Variants in THADA observed in about 807,000 individuals in gnomAD.
THADA encodes THADA armadillo repeat containing, also known as tRNA (32-2'-O)-methyltransferase regulator THADA.
THADA carries 213 observed loss-of-function variants against 219.8 expected under a neutral mutation model. That is an observed-to-expected ratio of 0.97 (90% CI 0.87 to 1.09). The LOEUF is 1.09. Among genes scored for constraint, THADA ranks in the 50% least tolerant of loss-of-function variants. THADA has a pLI of 0.00. For missense variants in THADA, 2,956 were observed against 2,311.3 expected, an observed-to-expected ratio of 1.28 and a Z score of -5.72; for synonymous variants, 1,018 against 828.9, an observed-to-expected ratio of 1.23 and a Z score of -3.92.
intron 10 of THADA, among the ~76,000 whole-genome samples, chr2:43,575,771 C>T (rs946815402): frequency 1.3e-5 from 2 of 152,086 alleles, no homozygotes; most frequent in African/African-American, 4.8e-5. Context: ...CTCCTGACCT[C>T]AAGTGATCCA....
chr2:43,289,896 C>T (rs979146875), intron 34 of THADA, among the ~76,000 whole-genome samples: 29 of 151,646 alleles, frequency 1.9e-4, no homozygotes, highest in African/African-American at 5.8e-4. Context: ...CAAGGTGATC[C>T]GCCCGCCTCA....
chr2:43,422,544 A>T (rs1165413758), intron 28 of THADA, among the ~76,000 whole-genome samples: 1 of 152,200 alleles, frequency 6.6e-6, no homozygotes, highest in Non-Finnish European at 1.5e-5. Flanking sequence ...CTGCTTTCTC[A>T]TGGTTCACCA....
At chr2:43,388,165 A>C (rs1346271917) in intron 29 of THADA, among the ~76,000 whole-genome samples, 1 of 152,250 alleles carries the variant, frequency 6.6e-6, no homozygotes, top group Admixed American at 6.5e-5. Context: ...ACTAAAAACA[A>C]ATAACAACAA....
At chr2:43,518,440 T>C (rs1358098766) in intron 22 of THADA, among the ~76,000 whole-genome samples, 1 of 152,172 alleles carries the variant, frequency 6.6e-6, no homozygotes, top group Admixed American at 6.5e-5. Context: ...TACAAGAATA[T>C]TTCCTACTGA....
intron 22 of THADA, among the ~76,000 whole-genome samples, chr2:43,514,315 G>A (rs1185936224): frequency 1.3e-5 from 2 of 150,528 alleles, no homozygotes; most frequent in Admixed American, 1.3e-4. Context: ...GCTGGGCATG[G>A]TGGCACTTGC....
intron 31 of THADA, among the ~76,000 whole-genome samples, chr2:43,319,862 A>C (rs1181415929): frequency 6.6e-6 from 1 of 152,220 alleles, no homozygotes; most frequent in African/African-American, 2.4e-5. Flanking sequence ...ACATCAAAAA[A>C]ATTTTATTTG....
At chr2:43,431,567 G>A (rs1351556755) in intron 26 of THADA, among the ~76,000 whole-genome samples, 7 of 148,832 alleles carry the variant, frequency 4.7e-5, no homozygotes, top group African/African-American at 7.4e-5. Context: ...CTGGGTTCAC[G>A]CCATTCTCCT....
At chr2:43,583,860 C>T (rs1574369848) in intron 7 of THADA, among the ~76,000 whole-genome samples, 3 of 151,944 alleles carry the variant, frequency 2.0e-5, no homozygotes, top group Non-Finnish European at 2.9e-5. Context: ...CAGGGCAACA[C>T]GGTAAAACCA....
intron 11 of THADA, among the ~76,000 whole-genome samples, chr2:43,573,740 A>G (rs906050263): frequency 6.6e-6 from 1 of 152,218 alleles, no homozygotes; most frequent in Non-Finnish European, 1.5e-5. Context: ...GTTAAACAGA[A>G]TGTAATAATT....
At chr2:43,305,576 C>T (rs1215824022) in intron 31 of THADA, among the ~76,000 whole-genome samples, 4 of 152,268 alleles carry the variant, frequency 2.6e-5, no homozygotes, top group African/African-American at 7.2e-5. Flanking sequence ...GATTCCCGAT[C>T]GGCTGCTGAG....
At chr2:43,413,383 G>C (rs1676540854) in intron 28 of THADA, among the ~76,000 whole-genome samples, 1 of 152,166 alleles carries the variant, frequency 6.6e-6, no homozygotes, top group South Asian at 2.1e-4. Context: ...TAAGTCAGCA[G>C]TCTGATTAGC....
chr2:43,382,309 G>A (rs1672137168), intron 29 of THADA, among the ~76,000 whole-genome samples: 1 of 152,290 alleles, frequency 6.6e-6, no homozygotes, highest in South Asian at 2.1e-4. Context: ...AGTAACAATA[G>A]GAGAAACTAG....
At chr2:43,499,589 C>G (rs1048795688) in intron 24 of THADA, among the ~76,000 whole-genome samples, 5 of 152,128 alleles carry the variant, frequency 3.3e-5, no homozygotes, top group African/African-American at 7.2e-5. Flanking sequence ...GTTGGCCAGG[C>G]TGGTCTTGAA....
At chr2:43,276,862 G>A (rs774638115) in intron 36 of THADA, among the ~76,000 whole-genome samples, 2 of 152,116 alleles carry the variant, frequency 1.3e-5, no homozygotes, top group Non-Finnish European at 2.9e-5. Flanking sequence ...CCAGAGGCAT[G>A]CCTTGTTATT....
intron 29 of THADA, among the ~76,000 whole-genome samples, chr2:43,359,683 CAACA>C (rs1164089608): frequency 6.6e-6 from 1 of 152,256 alleles, no homozygotes; most frequent in South Asian, 2.1e-4. Context: ...AAAAACAAAC[CAACA>C]AACAAACAAA....
intron 28 of THADA, among the ~76,000 whole-genome samples, chr2:43,402,893 G>C (rs1341474186): frequency 6.6e-6 from 1 of 152,184 alleles, no homozygotes; most frequent in Non-Finnish European, 1.5e-5. Context: ...GCTTGGGTTT[G>C]GCAAGAAAGA....
chr2:43,525,814 C>G (rs921170192), intron 22 of THADA, among the ~76,000 whole-genome samples: 1 of 152,178 alleles, frequency 6.6e-6, no homozygotes, highest in Non-Finnish European at 1.5e-5. Context: ...TTGTTACTAT[C>G]TATGTGGGGA....
intron 28 of THADA, among the ~76,000 whole-genome samples, chr2:43,401,499 C>T (rs910841275): frequency 6.6e-6 from 1 of 152,126 alleles, no homozygotes. Context: ...AGGATGGTCT[C>T]GATCTCCTGA....
intron 23 of THADA, among the ~76,000 whole-genome samples, chr2:43,506,958 T>A (rs1333843794): frequency 6.6e-6 from 1 of 152,198 alleles, no homozygotes; most frequent in Non-Finnish European, 1.5e-5. Context: ...AGATAACATA[T>A]ATTTTTTAAA....
Sources: allele counts gnomAD v4.1 joint callset (sites outside exome capture counted in the v4.1 genomes callset), GRCh38; gene constraint gnomAD v4.1.1; transcripts MANE v1.5; gene names NCBI Gene and HGNC (gene_info 2026-07-23, HGNC 2026-07-21).